BACH2: variants seen among roughly 807,000 people sequenced by gnomAD.
BACH2 encodes transcription regulator protein BACH2.
In BACH2, 5 loss-of-function variants were observed where a neutral mutation model predicts 61.8. The observed-to-expected ratio is 0.08, with a 90% CI of 0.04 to 0.17. The LOEUF is 0.17. BACH2 is among the 10% of genes least tolerant of loss of function. The pLI is 1.00. For synonymous variants in BACH2, 446 were observed against 440.1 expected (o/e 1.01, Z -0.17); for missense variants, 824 against 1,091.1 (o/e 0.76, Z 3.45).
intron 6 of BACH2, among the ~76,000 whole-genome samples, chr6:90,000,596 C>T (rs906901118): frequency 3.3e-5 from 5 of 152,188 alleles, no homozygotes; most frequent in African/African-American, 9.7e-5. Context: ...ATCTGAACAG[C>T]GGCCCTGCAA....
At chr6:90,036,213 G>A (rs1779255732) in intron 5 of BACH2, among the ~76,000 whole-genome samples, 1 of 150,628 alleles carries the variant, frequency 6.6e-6, no homozygotes, top group African/African-American at 2.4e-5. Flanking sequence ...CATATGGTAG[G>A]ACACCACACT....
intron 1 of BACH2, among the ~76,000 whole-genome samples, chr6:90,294,771 G>A (rs1379920681): frequency 1.3e-5 from 2 of 152,164 alleles, no homozygotes; most frequent in Non-Finnish European, 2.9e-5. Context: ...TCCGCCAAAG[G>A]AGGGGCAGCC....
At chr6:90,168,137 T>A (rs1767692241) in intron 4 of BACH2, among the ~76,000 whole-genome samples, 1 of 152,110 alleles carries the variant, frequency 6.6e-6, no homozygotes, top group Non-Finnish European at 1.5e-5. Flanking sequence ...GGTGGGAGAA[T>A]CACTTGAGCC....
At chr6:90,064,056 A>G (rs902669970) in intron 5 of BACH2, among the ~76,000 whole-genome samples, 1 of 152,228 alleles carries the variant, frequency 6.6e-6, no homozygotes, top group African/African-American at 2.4e-5. Flanking sequence ...AATTTTACCA[A>G]AAGTCTCCCT....
rs1202514470 is a variant in BACH2 at position 89,931,973 on chromosome 6, A to T, written c.*435T>A. 6.8e-6 allele frequency: 1 copy of T among 147,924 alleles called. No homozygotes were observed. The highest frequency in any genetic ancestry group is 2.5e-5 in the African/African-American group (1 of 40,622). 9.2% of individuals were successfully genotyped at this position (147,924 alleles called of 1,614,324 possible). On this transcript the variant is annotated 3_prime_UTR_variant, in exon 9 of 9. Transcript: ENST00000257749. ...TATATATATATTTTATATATATATT[A>T]TATATAATATGTACAGTCTAGCTAT...
rs900744586 is a variant in BACH2 at position 90,256,566 on chromosome 6, G to A, written c.-352-3976C>T. 3.3e-5 allele frequency among the ~76,000 whole-genome samples: 5 copies of A among 152,190 alleles called. No individual in the cohort carries two copies. The East Asian group carries it at 5.8e-4, about 18-fold the overall frequency. On this transcript the variant is annotated intron_variant, in intron 2 of 8. Transcript: ENST00000257749. ...CCCATTTAAGACCTCATGTGAATAA[G>A]GAAGAAACTTGTGTTAGAACAGTGA...
At chr6:90,224,626 ATT>A (rs1448372685) in intron 3 of BACH2, among the ~76,000 whole-genome samples, 1 of 152,206 alleles carries the variant, frequency 6.6e-6, no homozygotes, top group Non-Finnish European at 1.5e-5. Context: ...ATTTGTGTGC[ATT>A]TTCTTTTATT....
intron 6 of BACH2, among the ~76,000 whole-genome samples, chr6:89,955,780 T>C (rs1774393757): frequency 6.6e-6 from 1 of 152,098 alleles, no homozygotes; most frequent in Non-Finnish European, 1.5e-5. Context: ...CAGGTACCAG[T>C]GAAAAGCTGT....
rs1228343523 is a variant in BACH2 at position 89,947,732 on chromosome 6, AT to A, written c.1836+2537del. Among the ~76,000 whole-genome samples, 274 of 145,976 alleles carry A rather than the reference AT, an allele frequency of 1.9e-3. 3 individuals carry two copies. The highest frequency in any genetic ancestry group is 4.8e-3 in the African/African-American group (190 of 39,938). ...AGGCGCCCACCACGACGCCCAGCTA[AT>A]TTTTTTTTTTGTATTTTTTAGTAGA... On this transcript the variant is annotated intron_variant, in intron 7 of 8. Coordinates refer to ENST00000257749, the MANE Select transcript of BACH2 (RefSeq NM_021813.4).
At chr6:90,004,975 G>T (rs1353521711) in intron 6 of BACH2, among the ~76,000 whole-genome samples, 1 of 151,268 alleles carries the variant, frequency 6.6e-6, no homozygotes, top group Non-Finnish European at 1.5e-5. Context: ...ATTGCCATTT[G>T]TTTTTTTTTA....
chr6:90,071,151 T>C (rs1421412518), intron 5 of BACH2, among the ~76,000 whole-genome samples: 1 of 152,194 alleles, frequency 6.6e-6, no homozygotes, highest in Non-Finnish European at 1.5e-5. Flanking sequence ...ACGTCCAGTT[T>C]ATGTTCCTTT....
At position 90,065,270 on chromosome 6, in the gene BACH2, C is replaced by CTTTTTTTTTTTTTTTTTTTTT. The variant is rs71027920; in HGVS notation, c.-13+23670_-13+23690dup. Among the ~76,000 whole-genome samples the CTTTTTTTTTTTTTTTTTTTTT allele has an allele frequency of 2.8e-3, 146 of 52,662 alleles. 17 individuals are homozygous for CTTTTTTTTTTTTTTTTTTTTT. Among genetic ancestry groups the CTTTTTTTTTTTTTTTTTTTTT allele is most frequent in the Admixed American group, 4.0e-3 (11 of 2,720 alleles). The allele number at this position is 52,662 out of a possible 152,430, so 34.5% of individuals were successfully genotyped here. On this transcript the variant is annotated intron_variant, in intron 5 of 8. Coordinates refer to ENST00000257749, the MANE Select transcript of BACH2 (RefSeq NM_021813.4). Reference sequence around the variant, plus strand: ...GCCACCCCACCCCCTGCCGCCCCCACTTTTTTTTTTTTTTTTTTTTTTTTT... The same window carrying CTTTTTTTTTTTTTTTTTTTTT: ...GCCACCCCACCCCCTGCCGCCCCCACTTTTTTTTTTTTTTTTTTTTTTTTTTTTTTTTTTTTTTTTTTTTTT...
intron 6 of BACH2, among the ~76,000 whole-genome samples, chr6:89,995,407 T>A (rs888277558): frequency 1.3e-5 from 2 of 152,164 alleles, no homozygotes; most frequent in African/African-American, 2.4e-5. Flanking sequence ...CAAAGAGACA[T>A]CATGGCTGTC....
chr6:90,090,188 T>C (rs1782103702), intron 4 of BACH2, among the ~76,000 whole-genome samples: 1 of 152,194 alleles, frequency 6.6e-6, no homozygotes, highest in African/African-American at 2.4e-5. Flanking sequence ...TGCTTTTGAA[T>C]GTTCATGTGT....
rs71298713 is a variant in BACH2, at chr6:89,939,656, CTTTTTTTT to C, written c.1837-1314_1837-1307del. Among the ~76,000 whole-genome samples, 140 of 82,620 alleles carry C rather than the reference CTTTTTTTT, an allele frequency of 1.7e-3. 2 individuals carry two copies. Among genetic ancestry groups the C allele is most frequent in the African/African-American group, 5.8e-3 (122 of 21,070 alleles). 54.2% of individuals were successfully genotyped at this position (82,620 alleles called of 152,430 possible). On this transcript the variant is annotated intron_variant, in intron 7 of 8. Transcript: ENST00000257749. ...TGTTGTTAAATGATTGCTTATATTT[CTTTTTTTT>C]TTTTTTTTTTTTTTTTTTGAGACAG...
chr6:89,928,359 G>A lies in BACH2; in HGVS notation c.*4049C>T, dbSNP rs1169214796. The A allele has an allele frequency of 6.6e-6, 1 of 152,370 alleles. No homozygotes were observed. Among genetic ancestry groups the A allele is most frequent in the Non-Finnish European group, 1.5e-5 (1 of 68,042 alleles). 9.4% of individuals were successfully genotyped at this position (152,370 alleles called of 1,614,324 possible). A position where few individuals can be genotyped will look rare whatever the true frequency, so the allele number is the denominator to read the frequency against. Reference sequence around the variant, plus strand: ...TGCAGGCAGCTCTTCCTCATTTTGAGAGGATTATGCTACTCCACAGGATGT... The same window carrying A: ...TGCAGGCAGCTCTTCCTCATTTTGAAAGGATTATGCTACTCCACAGGATGT... On this transcript the variant is annotated 3_prime_UTR_variant, in exon 9 of 9. Coordinates refer to ENST00000257749, the MANE Select transcript of BACH2 (RefSeq NM_021813.4).
At chr6:90,187,633 T>C (rs1294249414) in intron 4 of BACH2, among the ~76,000 whole-genome samples, 2 of 152,210 alleles carry the variant, frequency 1.3e-5, no homozygotes, top group East Asian at 1.9e-4. Context: ...CTCAAACTCA[T>C]AAAAGCCAGG....
At chr6:90,218,731 G>T (rs1485149855) in intron 3 of BACH2, among the ~76,000 whole-genome samples, 2 of 152,052 alleles carry the variant, frequency 1.3e-5, no homozygotes, top group Non-Finnish European at 2.9e-5. Context: ...GAAACGGGCC[G>T]TGAAAAGCAG....
chr6:90,044,441 AG>A (rs1421815190), intron 5 of BACH2, among the ~76,000 whole-genome samples: 20 of 152,350 alleles, frequency 1.3e-4, no homozygotes, highest in African/African-American at 4.6e-4. Context: ...AGAGGTAGTC[AG>A]GAAGTGAAGG....
Sources: allele counts gnomAD v4.1 joint callset (sites outside exome capture counted in the v4.1 genomes callset), GRCh38; gene constraint gnomAD v4.1.1; transcripts MANE v1.5; gene names NCBI Gene and HGNC (gene_info 2026-07-23, HGNC 2026-07-21).